TAS2R1: variants seen among roughly 807,000 people sequenced by gnomAD.
The protein encoded by TAS2R1 is taste 2 receptor member 1, also known as taste receptor type 2 member 1.
For missense variants in TAS2R1, 370 were observed against 353.4 expected (o/e 1.05, Z -0.38); for synonymous variants, 141 against 134.2 (o/e 1.05, Z -0.35).
At chr5:9,728,083 C>A in the TAS2R1 span, among the ~76,000 whole-genome samples, 1 of 152,070 alleles carries the variant, frequency 6.6e-6, no homozygotes, top group African/African-American at 2.4e-5. Flanking sequence ...ATAGATCAAG[C>A]CCCTGTCTCC....
the TAS2R1 span, among the ~76,000 whole-genome samples, chr5:9,894,232 G>A: frequency 6.6e-5 from 10 of 151,994 alleles, no homozygotes; most frequent in East Asian, 1.9e-4. Flanking sequence ...ACGAAACCCC[G>A]TCTCTACTAA....
At chr5:9,666,287 C>T (rs1390961198) in intron 1 of TAS2R1, among the ~76,000 whole-genome samples, 2 of 152,062 alleles carry the variant, frequency 1.3e-5, no homozygotes, top group Admixed American at 1.3e-4. Flanking sequence ...CTGAGAGACC[C>T]TTGATGGGCC....
chr5:9,772,210 A>G, the TAS2R1 span, among the ~76,000 whole-genome samples: 2 of 151,936 alleles, frequency 1.3e-5, no homozygotes, highest in African/African-American at 4.8e-5. Flanking sequence ...TATTGCCATT[A>G]TGATTTGCTT....
At chr5:9,766,043 C>T in the TAS2R1 span, among the ~76,000 whole-genome samples, 1 of 152,188 alleles carries the variant, frequency 6.6e-6, no homozygotes, top group Non-Finnish European at 1.5e-5. Context: ...GCTACTTGGC[C>T]TTCCAGATTT....
At chr5:9,824,679 T>C in the TAS2R1 span, among the ~76,000 whole-genome samples, 1 of 151,922 alleles carries the variant, frequency 6.6e-6, no homozygotes, top group Non-Finnish European at 1.5e-5. Flanking sequence ...AAACCCCGTC[T>C]CTACTAAAAA....
the TAS2R1 span, among the ~76,000 whole-genome samples, chr5:9,741,897 GT>G: frequency 4.6e-5 from 7 of 151,422 alleles, no homozygotes; most frequent in South Asian, 6.3e-4. Context: ...AAACAAGACT[GT>G]TTTTTTTTAA....
At chr5:9,665,361 T>C (rs896473494) in intron 1 of TAS2R1, among the ~76,000 whole-genome samples, 2 of 152,246 alleles carry the variant, frequency 1.3e-5, no homozygotes, top group African/African-American at 4.8e-5. Context: ...CCTAATTACA[T>C]CTACAAAGTC....
At chr5:9,699,189 A>T (rs1368769129) in intron 1 of TAS2R1, among the ~76,000 whole-genome samples, 2 of 152,236 alleles carry the variant, frequency 1.3e-5, no homozygotes, top group East Asian at 3.9e-4. Context: ...TTGCCTGCAA[A>T]CTATGGACTA....
chr5:9,688,224 A>T (rs1741166075), intron 1 of TAS2R1, among the ~76,000 whole-genome samples: 1 of 152,192 alleles, frequency 6.6e-6, no homozygotes, highest in African/African-American at 2.4e-5. Context: ...AGTATATTTC[A>T]TCATCTCAGA....
intron 1 of TAS2R1, among the ~76,000 whole-genome samples, chr5:9,697,845 T>G (rs1741394616): frequency 6.6e-6 from 1 of 152,108 alleles, no homozygotes; most frequent in African/African-American, 2.4e-5. Flanking sequence ...ATAATCATTG[T>G]TATTATTTTA....
upstream of TAS2R1, among the ~76,000 whole-genome samples, chr5:9,632,499 G>C (rs1365104545): frequency 6.6e-6 from 1 of 152,208 alleles, no homozygotes; most frequent in African/African-American, 2.4e-5. Flanking sequence ...TGTAGCATGT[G>C]ATGCTGTCTG....
At chr5:9,873,960 GAGAGAGAGAGAGAGAGGAAGAAAA>G in the TAS2R1 span, among the ~76,000 whole-genome samples, 2 of 142,962 alleles carry the variant, frequency 1.4e-5, no homozygotes, top group African/African-American at 5.2e-5. Flanking sequence ...AGAAAGAAAA[GAGAGAGAGAGAGAGAGGAAGAAAA>G]AGAGAGAGAG....
chr5:9,885,596 A>G, the TAS2R1 span, among the ~76,000 whole-genome samples: 9 of 152,322 alleles, frequency 5.9e-5, no homozygotes, highest in Non-Finnish European at 1.0e-4. Context: ...GTCAGGGGGG[A>G]AAAAGAAGCT....
intron 1 of TAS2R1, among the ~76,000 whole-genome samples, chr5:9,699,684 G>A (rs945973406): frequency 3.9e-5 from 6 of 152,116 alleles, no homozygotes; most frequent in Admixed American, 6.5e-5. Context: ...CTGGACAGTC[G>A]TGATAGGAAC....
At chr5:9,647,716 CAGAT>C in intron 2 of TAS2R1, among the ~76,000 whole-genome samples, 1 of 152,250 alleles carries the variant, frequency 6.6e-6, no homozygotes, top group South Asian at 2.1e-4. Flanking sequence ...AGACTTTCTA[CAGAT>C]AGACGCCATG....
intron 1 of TAS2R1, among the ~76,000 whole-genome samples, chr5:9,678,167 A>C (rs935769410): frequency 2.0e-5 from 3 of 152,226 alleles, no homozygotes; most frequent in African/African-American, 7.2e-5. Context: ...TGCAGCTAAC[A>C]AACATATGAA....
At chr5:9,652,355 T>C (rs903582425) in intron 2 of TAS2R1, among the ~76,000 whole-genome samples, 6 of 152,196 alleles carry the variant, frequency 3.9e-5, no homozygotes, top group African/African-American at 1.2e-4. Context: ...CCTTGGATTA[T>C]GTGTGTCTCT....
the TAS2R1 span, among the ~76,000 whole-genome samples, chr5:9,792,417 G>A: frequency 6.6e-6 from 1 of 152,154 alleles, no homozygotes; most frequent in Non-Finnish European, 1.5e-5. Context: ...CATGATTACT[G>A]GGAGAAGTAG....
the TAS2R1 span, among the ~76,000 whole-genome samples, chr5:9,875,419 G>GTCTTGGAT: frequency 2.0e-5 from 3 of 152,232 alleles, no homozygotes. Flanking sequence ...GAGTCTTGGA[G>GTCTTGGAT]TCTTGTCTGG....
Sources: allele counts gnomAD v4.1 joint callset (sites outside exome capture counted in the v4.1 genomes callset), GRCh38; gene constraint gnomAD v4.1.1; transcripts MANE v1.5; gene names NCBI Gene and HGNC (gene_info 2026-07-23, HGNC 2026-07-21).